Variants in ZC3H12B observed in about 807,000 individuals in gnomAD.
The protein encoded by ZC3H12B is zinc finger CCCH-type containing 12B, also known as probable ribonuclease ZC3H12B.
In ZC3H12B, 7 loss-of-function variants were observed where a neutral mutation model predicts 43.9. The observed-to-expected ratio is 0.16, with a 90% confidence interval of 0.09 to 0.30. The LOEUF (loss-of-function observed/expected upper bound fraction) is 0.30, where lower values mean the gene tolerates loss of function less well. ZC3H12B is among the 10% of genes least tolerant of loss of function. The pLI, the probability that ZC3H12B is intolerant of heterozygous loss-of-function variation, is 1.00. For missense variants in ZC3H12B, 475 were observed against 670.2 expected (o/e 0.71, Z 3.22); for synonymous variants, 222 against 241.7 (o/e 0.92, Z 0.76).
upstream of ZC3H12B, among the ~76,000 whole-genome samples, chrX:65,487,052 T>C (rs962847681): frequency 3.5e-5 from 4 of 112,735 alleles, no homozygotes; most frequent in Admixed American, 9.4e-5. Context: ...TGTCTATGTG[T>C]TGACTAATTC....
chrX:65,416,683 G>A (rs897229550), intron 3 of ZC3H12B, among the ~76,000 whole-genome samples: 12 of 108,668 alleles, frequency 1.1e-4, no homozygotes, highest in Non-Finnish European at 1.9e-4. Flanking sequence ...CCAGCTACTC[G>A]GGAGGCTGAG....
chrX:65,497,307 A>T, intron 2 of ZC3H12B, 36 bp downstream of exon 7: 1 of 1,161,962 alleles, frequency 8.6e-7, no homozygotes, highest in South Asian at 2.1e-5. Context: ...TCTCATCTAG[A>T]GGCAAATCTG....
At chrX:65,385,675 C>A (rs1340580060) in intron 2 of ZC3H12B, among the ~76,000 whole-genome samples, 2 of 111,231 alleles carry the variant, frequency 1.8e-5, no homozygotes, top group Admixed American at 9.6e-5. Context: ...GAAATTCCAA[C>A]ACTGTGTTGA....
the ZC3H12B span, among the ~76,000 whole-genome samples, chrX:65,280,323 T>C: frequency 8.9e-6 from 1 of 112,292 alleles, no homozygotes; most frequent in Non-Finnish European, 1.9e-5. Flanking sequence ...AATAGATGCA[T>C]AAAAAGCTTT....
At chrX:65,151,723 C>A in the ZC3H12B span, among the ~76,000 whole-genome samples, 1 of 111,666 alleles carries the variant, frequency 9.0e-6, no homozygotes, top group East Asian at 2.8e-4. Flanking sequence ...TCCTCCCTAA[C>A]TCATTTATGA....
At chrX:65,381,980 G>C (rs2066447482) in intron 2 of ZC3H12B, among the ~76,000 whole-genome samples, 2 of 111,492 alleles carry the variant, frequency 1.8e-5, no homozygotes, top group African/African-American at 6.5e-5. Flanking sequence ...CAACGATAAA[G>C]AGTCCAGGAC....
chrX:65,448,619 C>T (rs898554624), intron 3 of ZC3H12B, among the ~76,000 whole-genome samples: 10 of 110,639 alleles, frequency 9.0e-5, no homozygotes, highest in Non-Finnish European at 1.5e-4. Context: ...GATTTTAAGC[C>T]CAGCCTGGCC....
At chrX:65,250,866 A>C in the ZC3H12B span, among the ~76,000 whole-genome samples, 1 of 110,377 alleles carries the variant, frequency 9.1e-6, no homozygotes, top group Non-Finnish European at 1.9e-5. Context: ...GATTGCAAAA[A>C]TTTTCTCCCA....
chrX:65,257,150 T>C, the ZC3H12B span, among the ~76,000 whole-genome samples: 3 of 111,917 alleles, frequency 2.7e-5, no homozygotes, highest in African/African-American at 9.8e-5. Context: ...AGACACATGC[T>C]CACGTATGTT....
intron 3 of ZC3H12B, chrX:65,408,036 G>T (rs2066856924): frequency 1.8e-6 from 2 of 1,140,419 alleles, no homozygotes; most frequent in Non-Finnish European, 2.3e-6. Context: ...GAAATTGACC[G>T]GAGAATTGAG....
At chrX:65,117,022 A>G in the ZC3H12B span, among the ~76,000 whole-genome samples, 4 of 111,750 alleles carry the variant, frequency 3.6e-5, no homozygotes, top group Admixed American at 2.9e-4. Context: ...ATAAACATAC[A>G]TGTGCATGTG....
chrX:65,184,059 C>T, the ZC3H12B span, among the ~76,000 whole-genome samples: 3 of 110,739 alleles, frequency 2.7e-5, no homozygotes, highest in Non-Finnish European at 5.7e-5. Context: ...TTTTGAACTC[C>T]TATTGATATT....
At chrX:65,187,308 G>T in the ZC3H12B span, 1 of 108,341 alleles carries the variant, frequency 9.2e-6, no homozygotes, top group African/African-American at 3.4e-5. Flanking sequence ...GTGTGGATCT[G>T]GCTCAGGTTC....
the ZC3H12B span, among the ~76,000 whole-genome samples, chrX:65,163,423 C>G: frequency 9.0e-6 from 1 of 111,341 alleles, no homozygotes; most frequent in Non-Finnish European, 1.9e-5. Context: ...TGGGCTCCAC[C>G]CAGTTCGAGC....
chrX:65,340,162 C>G, the ZC3H12B span, among the ~76,000 whole-genome samples: 1 of 112,113 alleles, frequency 8.9e-6, no homozygotes, highest in Non-Finnish European at 1.9e-5. Context: ...CATGAATGCA[C>G]AGAGGGATCT....
the ZC3H12B span, among the ~76,000 whole-genome samples, chrX:65,247,888 T>A: frequency 8.9e-6 from 1 of 112,246 alleles, no homozygotes; most frequent in Non-Finnish European, 1.9e-5. Flanking sequence ...AATAAACGTT[T>A]AAAAAGTGTT....
chrX:65,167,436 G>A, the ZC3H12B span, among the ~76,000 whole-genome samples: 1 of 111,788 alleles, frequency 8.9e-6, no homozygotes, highest in East Asian at 2.8e-4. Flanking sequence ...TGCTGTTTTG[G>A]TTACTGTAGC....
the ZC3H12B span, among the ~76,000 whole-genome samples, chrX:65,200,943 A>G: frequency 9.0e-6 from 1 of 111,407 alleles, no homozygotes; most frequent in South Asian, 3.8e-4. Flanking sequence ...TCGGTTTGCC[A>G]GTATTTTATT....
chrX:65,176,301 C>G, the ZC3H12B span, among the ~76,000 whole-genome samples: 1 of 111,874 alleles, frequency 8.9e-6, no homozygotes, highest in Non-Finnish European at 1.9e-5. Context: ...GAGCACACCA[C>G]AGCTCCAGAA....
Sources: allele counts gnomAD v4.1 joint callset (sites outside exome capture counted in the v4.1 genomes callset), GRCh38; gene constraint gnomAD v4.1.1; transcripts MANE v1.5; gene names NCBI Gene and HGNC (gene_info 2026-07-23, HGNC 2026-07-21).